YIPF1: variants seen among roughly 807,000 people sequenced by gnomAD.
YIPF1 encodes protein YIPF1.
YIPF1 carries 22 observed loss-of-function variants against 37.0 expected under a neutral mutation model. The ratio of observed to expected loss-of-function variants is 0.59; its 90% confidence interval spans 0.42 to 0.85. The LOEUF (loss-of-function observed/expected upper bound fraction) is 0.85, where lower values mean the gene tolerates loss of function less well. YIPF1 is among the 40% of genes least tolerant of loss of function. The pLI is 0.00. For synonymous variants in YIPF1, 128 were observed against 131.9 expected (o/e 0.97, Z 0.21); for missense variants, 355 against 373.1 (o/e 0.95, Z 0.40).
At chr1:53,859,621 T>C (rs1311303757) in intron 10 of YIPF1, among the ~76,000 whole-genome samples, 1 of 152,008 alleles carries the variant, frequency 6.6e-6, no homozygotes, top group Non-Finnish European at 1.5e-5. Flanking sequence ...GCTGAGATCA[T>C]GCCATTGCAC....
At chr1:53,878,231 G>A (rs1650385034) in intron 6 of YIPF1, 84 bp downstream of exon 6, 4 of 1,343,210 alleles carry the variant, frequency 3.0e-6, no homozygotes, top group Non-Finnish European at 4.2e-6. Context: ...CCCACCAATA[G>A]TGCAGTTCTC....
At chr1:53,876,135 T>C (rs1395090674) in intron 6 of YIPF1, among the ~76,000 whole-genome samples, 1 of 152,216 alleles carries the variant, frequency 6.6e-6, no homozygotes, top group African/African-American at 2.4e-5. Context: ...TTTTACTTTT[T>C]ATTTCTCTGG....
chr1:53,875,604 T>C (rs2100735565), intron 6 of YIPF1, among the ~76,000 whole-genome samples: 1 of 152,386 alleles, frequency 6.6e-6, no homozygotes, highest in Non-Finnish European at 1.5e-5. Context: ...CTGTGACTTA[T>C]GAGACCTTAC....
intron 9 of YIPF1, among the ~76,000 whole-genome samples, chr1:53,860,753 C>T (rs889553740): frequency 2.6e-5 from 4 of 152,222 alleles, no homozygotes; most frequent in Non-Finnish European, 5.9e-5. Flanking sequence ...AAAAATTCTT[C>T]AGCTGGGAAA....
chr1:53,886,506 T>C (rs944653180), intron 3 of YIPF1, among the ~76,000 whole-genome samples: 1 of 151,848 alleles, frequency 6.6e-6, no homozygotes, highest in Non-Finnish European at 1.5e-5. Context: ...TGACCTCTAC[T>C]TTTTCATCCA....
Position 53,860,151 on chromosome 1 carries a change from T to C in YIPF1, c.834A>G (p.Ala278=), listed in dbSNP as rs1649827773. ...CCATCTCTGGTGCATCAAAAAAGTA[T>C]GCCTGTGGGGAAAAAAAGACCCAGG... ...LHMLLSVGCL[A]YFFDAPEMDH... Residue 278 remains alanine (A), a splice_region_variant and synonymous_variant, in exon 10 of 11, where the codon GCA becomes GCG. Transcript: ENST00000072644. The C allele has an allele frequency of 6.2e-7, 1 of 1,614,004 alleles. No homozygotes were observed. Among genetic ancestry groups the C allele is most frequent in the African/African-American group, 1.3e-5 (1 of 75,032 alleles).
rs1650141589 is a variant in YIPF1, at chr1:53,870,128, G to GGATTACA, written c.481+1237_481+1243dup. On this transcript the variant is annotated intron_variant, in intron 7 of 10. Transcript: ENST00000072644. ...CCCACCTTGGCCTCCCAAAGTGCTGGGATTACAGGCTTGAGCCACCGCACC... is the reference window on the plus strand; with the variant it reads ...CCCACCTTGGCCTCCCAAAGTGCTGGGATTACAGATTACAGGCTTGAGCCACCGCACC... 2.0e-5 allele frequency among the ~76,000 whole-genome samples: 3 copies of GGATTACA among 146,476 alleles called. No homozygotes were observed. The South Asian group carries it at 6.6e-4, about 32-fold the overall frequency.
intron 6 of YIPF1, 117 bp from the exon 7 acceptor site, chr1:53,871,605 A>G (rs1490268355): frequency 1.4e-5 from 12 of 873,142 alleles, no homozygotes; most frequent in Non-Finnish European, 2.1e-5. Flanking sequence ...TGAATTTTCT[A>G]GATGGGATCA....
At chr1:53,863,193 T>C (rs981545830) in intron 9 of YIPF1, among the ~76,000 whole-genome samples, 5 of 152,248 alleles carry the variant, frequency 3.3e-5, no homozygotes, top group African/African-American at 1.2e-4. Context: ...TGTCTCCTCA[T>C]CTCCACTGCT....
chr1:53,863,246 A>G (rs1425179933), intron 9 of YIPF1, among the ~76,000 whole-genome samples: 2 of 152,216 alleles, frequency 1.3e-5, no homozygotes, highest in African/African-American at 4.8e-5. Context: ...CAGGAGAGAT[A>G]AGAAGATGCC....
chr1:53,867,395 CAG>C (rs1436888947), intron 7 of YIPF1, among the ~76,000 whole-genome samples: 6 of 108,856 alleles, frequency 5.5e-5, no homozygotes, highest in African/African-American at 2.1e-4. Context: ...TTTTTTGAGA[CAG>C]AGTCTTGCTC....
chr1:53,866,883 C>T lies in YIPF1; in HGVS notation c.523G>A (p.Val175Ile). 6.2e-7 allele frequency: 1 copy of T among 1,614,028 alleles called. No homozygotes were observed. Among genetic ancestry groups the T allele is most frequent in the Non-Finnish European group, 8.5e-7 (1 of 1,179,944 alleles). Residue 175 changes from valine to isoleucine, a missense_variant, in exon 8 of 11, where the codon GTT (valine) becomes ATT (isoleucine). By Grantham distance (29) the Val-to-Ile change is conservative. Transcript: ENST00000072644. Reference protein sequence around the residue: ...ATIIYAYAWLVPLALWGFLMW... With the variant: ...ATIIYAYAWLIPLALWGFLMW... ...AGGAAACCCCAGAGTGCAAGAGGAA[C>T]CAGCCAGGCATAGGCATAGATGATG...
chr1:53,881,255 A>AAAG (rs201156082), intron 4 of YIPF1, among the ~76,000 whole-genome samples: 3,552 of 150,102 alleles, frequency 0.024, 170 homozygotes, highest in African/African-American at 0.083. Flanking sequence ...AAAAAAAAAA[A>AAAG]AAAAAAGAAA....
Position 53,867,042 on chromosome 1 carries a change from G to A in YIPF1, c.482-118C>T, listed in dbSNP as rs146254847. The A allele has an allele frequency of 4.1e-4, 499 of 1,211,870 alleles. 3 individuals carry two copies. The African/African-American group carries it at 6.3e-3, about 15-fold the overall frequency. 75.1% of individuals were successfully genotyped at this position (1,211,870 alleles called of 1,614,324 possible). A position where few individuals can be genotyped will look rare whatever the true frequency, so the allele number is the denominator to read the frequency against. ...ATGTCAATTGACTTCAGTGGACCACGGAATCATGTCTTACTGGTCTGTAAT... is the reference window on the plus strand; with the variant it reads ...ATGTCAATTGACTTCAGTGGACCACAGAATCATGTCTTACTGGTCTGTAAT... On this transcript the variant is annotated intron_variant, in intron 7 of 10. Transcript: ENST00000072644.
intron 4 of YIPF1, among the ~76,000 whole-genome samples, chr1:53,879,579 T>C (rs780659837): frequency 4.5e-4 from 69 of 152,100 alleles, no homozygotes; most frequent in Non-Finnish European, 8.7e-4. Flanking sequence ...ACACAGCTCT[T>C]TGGTGGCAGA....
intron 7 of YIPF1, among the ~76,000 whole-genome samples, chr1:53,868,797 A>G (rs925969579): frequency 1.3e-5 from 2 of 152,168 alleles, no homozygotes; most frequent in Non-Finnish European, 2.9e-5. Flanking sequence ...ATGCCCAGCC[A>G]AAGAGGATAA....
chr1:53,888,116 C>T (rs1371491617), intron 3 of YIPF1, among the ~76,000 whole-genome samples: 1 of 152,164 alleles, frequency 6.6e-6, no homozygotes, highest in Non-Finnish European at 1.5e-5. Flanking sequence ...GTTCCAGCTA[C>T]TCAGAAGGCT....
At chr1:53,855,360 C>G (rs1420671316) in intron 10 of YIPF1, among the ~76,000 whole-genome samples, 1 of 151,996 alleles carries the variant, frequency 6.6e-6, no homozygotes. Flanking sequence ...GTACAGTTTC[C>G]AGGCTCTACC....
intron 3 of YIPF1, among the ~76,000 whole-genome samples, chr1:53,884,429 T>C (rs1382943752): frequency 6.6e-6 from 1 of 152,220 alleles, no homozygotes; most frequent in Non-Finnish European, 1.5e-5. Context: ...AACATGATAC[T>C]ATAATTAATT....
Sources: gnomAD v4.1 joint callset for allele counts (sites outside exome capture counted in the v4.1 genomes callset) on GRCh38, gnomAD v4.1.1 for gene constraint, MANE v1.5 for transcripts, NCBI Gene and HGNC (gene_info 2026-07-23, HGNC 2026-07-21) for gene names.